MYH13: variants seen among roughly 807,000 people sequenced by gnomAD.
MYH13 encodes the protein myosin-13.
In MYH13, 177 loss-of-function variants were observed where a neutral mutation model predicts 232.1. The ratio of observed to expected loss-of-function variants is 0.76; its 90% confidence interval spans 0.67 to 0.86. MYH13 has a LOEUF of 0.86. MYH13 is among the 40% of genes least tolerant of loss of function. The pLI is 0.00. For missense variants in MYH13, 2,246 were observed against 2,405.9 expected (o/e 0.93, Z 1.39); for synonymous variants, 884 against 923.5 (o/e 0.96, Z 0.78).
chr17:10,333,247 G>A lies in MYH13; in HGVS notation c.2057-56C>T, dbSNP rs1907473988. ...GTGACCCCTTCATTTGTTGTTGATG[G>A]TCTGAGGCACCATGAGACCCTCCAA... On this transcript the variant is annotated intron_variant, in intron 18 of 40. Transcript: ENST00000252172. 4.0e-6 allele frequency: 5 copies of A among 1,261,966 alleles called. No individual in the cohort carries two copies. In the South Asian group the frequency reaches 5.1e-5, roughly 13 times the overall value. The allele number at this position is 1,261,966 out of a possible 1,614,324, so 78.2% of individuals were successfully genotyped here. A position where few individuals can be genotyped will look rare whatever the true frequency, so the allele number is the denominator to read the frequency against.
chr17:10,335,539 G>T (rs2071566678), intron 18 of MYH13, among the ~76,000 whole-genome samples: 3 of 152,174 alleles, frequency 2.0e-5, no homozygotes, highest in African/African-American at 7.2e-5. Context: ...GATCGCCTGA[G>T]GTCAGGAGTT....
intron 18 of MYH13, among the ~76,000 whole-genome samples, chr17:10,333,460 C>T (rs937297862): frequency 2.0e-5 from 3 of 152,204 alleles, no homozygotes; most frequent in African/African-American, 7.2e-5. Flanking sequence ...TGTCCTCAGC[C>T]CTGACTCTGC....
chr17:10,353,919 GGAAGGAAGGAAAGA>G, intron 11 of MYH13, among the ~76,000 whole-genome samples: 1 of 113,200 alleles, frequency 8.8e-6, no homozygotes, highest in African/African-American at 2.8e-5. Context: ...GAGAGAGAGA[GGAAGGAAGGAAAGA>G]AGGAAGGAAG....
chr17:10,322,346 T>A (rs762449015), intron 23 of MYH13, among the ~76,000 whole-genome samples: 1 of 152,062 alleles, frequency 6.6e-6, no homozygotes, highest in South Asian at 2.1e-4. Context: ...TGCAGTGAGC[T>A]GAGATTGCAC....
intron 21 of MYH13, among the ~76,000 whole-genome samples, chr17:10,328,622 C>T (rs1031083399): frequency 6.6e-6 from 1 of 152,082 alleles, no homozygotes; most frequent in Non-Finnish European, 1.5e-5. Flanking sequence ...GGTCATTTCC[C>T]AGTCTCTTGC....
At position 10,313,495 on chromosome 17, in the gene MYH13, GTTTA is replaced by G. The variant is rs1424742925; in HGVS notation, c.3985-145_3985-142del. 9 of 1,256,318 alleles carry G rather than the reference GTTTA, an allele frequency of 7.2e-6. No individual in the cohort carries two copies. The Admixed American group carries it at 1.4e-4, about 20-fold the overall frequency. 77.8% of individuals were successfully genotyped at this position (1,256,318 alleles called of 1,614,324 possible). On this transcript the variant is annotated intron_variant, in intron 29 of 40. Coordinates refer to ENST00000252172, the MANE Select transcript of MYH13 (RefSeq NM_003802.3). ...TTTTGCCATATCAGCATATCACCTG[GTTTA>G]TTTAATTTTTTTTCAAGTGGACTCC...
In MYH13 at chr17:10,350,989, GGGCA is replaced by G. The variant is rs1480931562; in HGVS notation, c.1006-299_1006-296del. 2.2e-4 allele frequency among the ~76,000 whole-genome samples: 34 copies of G among 151,970 alleles called. 1 individual carries two copies. In the East Asian group the frequency reaches 6.6e-3, roughly 30 times the overall value. The stretch of plus-strand genomic sequence containing the variant: ...GTAATCCCAGCACTTTGAGAGGCCA[GGGCA>G]GGCAGATTACGAGGTCAGGAGTTTG... On this transcript the variant is annotated intron_variant, in intron 11 of 40. Transcript: ENST00000252172.
intron 20 of MYH13, among the ~76,000 whole-genome samples, chr17:10,331,731 G>A (rs199618627): frequency 5.9e-5 from 9 of 152,160 alleles, no homozygotes; most frequent in African/African-American, 1.7e-4. Context: ...GAACCACTGC[G>A]CCCCGCTTGG....
intron 18 of MYH13, among the ~76,000 whole-genome samples, chr17:10,337,262 C>T (rs948437798): frequency 2.0e-5 from 3 of 152,150 alleles, no homozygotes; most frequent in African/African-American, 7.2e-5. Flanking sequence ...CCTCACCATC[C>T]CTTAACAATA....
intron 22 of MYH13, among the ~76,000 whole-genome samples, chr17:10,325,971 G>A (rs554670524): frequency 6.6e-6 from 1 of 152,254 alleles, no homozygotes; most frequent in South Asian, 2.1e-4. Context: ...CACCACGCCC[G>A]GCCCATATAA....
rs538071804 is a variant in MYH13, at chr17:10,316,040, A to G, written c.3739-15T>C. 12 of 1,613,908 alleles carry G rather than the reference A, an allele frequency of 7.4e-6. No homozygotes were observed. The Admixed American group carries it at 1.7e-4, about 22-fold the overall frequency. The stretch of plus-strand genomic sequence containing the variant: ...TCTATGTTACTCTTTAACAAACAGA[A>G]AGTCAACACGAATGGGAAGAAATGG... On this transcript the variant is annotated splice_polypyrimidine_tract_variant and intron_variant, in intron 27 of 40. Coordinates refer to ENST00000252172, the MANE Select transcript of MYH13 (RefSeq NM_003802.3).
chr17:10,322,394 C>T (rs1302405585), intron 23 of MYH13, among the ~76,000 whole-genome samples: 1 of 152,134 alleles, frequency 6.6e-6, no homozygotes, highest in Non-Finnish European at 1.5e-5. Flanking sequence ...GAGACTCCGT[C>T]TCAAAAATAA....
rs764819259 is a variant in MYH13, at chr17:10,303,196, C to G, written c.5667G>C (p.Ala1889=). The change falls in exon 39 of 41, where the codon GCG becomes GCC. Residue 1889 remains alanine, a splice_region_variant and synonymous_variant. Coordinates refer to ENST00000252172, the MANE Select transcript of MYH13 (RefSeq NM_003802.3). ...ACTGCCGGGGACCTCCTGTGCTTACCGCCTCCTCAGCCTGCCTCTTGTAAG... is the reference window on the plus strand; with the variant it reads ...ACTGCCGGGGACCTCCTGTGCTTACGGCCTCCTCAGCCTGCCTCTTGTAAG... ...VKSYKRQAEE[A]EEQANTQLSR... 2 of 1,612,420 alleles carry G rather than the reference C, an allele frequency of 1.2e-6. No individual in the cohort carries two copies. The highest frequency in any genetic ancestry group is 1.7e-6 in the Non-Finnish European group (2 of 1,179,868).
Position 10,304,643 on chromosome 17 carries a change from C to T in MYH13, c.5467-1145G>A, listed in dbSNP as rs1906215985. 6.6e-6 allele frequency among the ~76,000 whole-genome samples: 1 copy of T among 152,152 alleles called. No homozygotes were observed. On this transcript the variant is annotated intron_variant, in intron 37 of 40. Transcript: ENST00000252172. This position sits in a 1 kb window ranked among gnomAD's most constrained non-coding sequence, Gnocchi z 5.3. ...CACTCTCCAGGCCCACTTGATAGAC[C>T]CAAAGCAAGTCAGTCGCCACCACTG...
chr17:10,361,020 C>T (rs991881098), intron 5 of MYH13, among the ~76,000 whole-genome samples: 2 of 152,182 alleles, frequency 1.3e-5, no homozygotes, highest in African/African-American at 2.4e-5. Flanking sequence ...ACCTTGACTT[C>T]GGACTTCAAT....
chr17:10,361,309 G>A (rs879536821), intron 5 of MYH13, among the ~76,000 whole-genome samples: 10 of 69,044 alleles, frequency 1.4e-4, no homozygotes, highest in Non-Finnish European at 2.9e-5. Context: ...TTTTTTTTTT[G>A]AGACGGAGTT....
chr17:10,323,786 A>G (rs1597378194), intron 23 of MYH13, among the ~76,000 whole-genome samples: 1 of 54,718 alleles, frequency 1.8e-5, no homozygotes, highest in African/African-American at 4.8e-5. Context: ...AAAAAAAAAA[A>G]AAAGAAGAAG....
Position 10,312,714 on chromosome 17 carries a change from C to T in MYH13, c.4225G>A (p.Glu1409Lys), listed in dbSNP as rs1906551975. 1 of 1,613,538 alleles carries T rather than the reference C, an allele frequency of 6.2e-7. No homozygotes were observed. Among genetic ancestry groups the T allele is most frequent in the Non-Finnish European group, 8.5e-7 (1 of 1,179,818 alleles). The change falls in exon 31 of 41, where the codon GAG becomes AAG. Residue 1409 changes from glutamate to lysine, a missense_variant. Coordinates refer to ENST00000252172, the MANE Select transcript of MYH13 (RefSeq NM_003802.3). ...QRLQEAEENTETANSKCASLE... is the reference protein window; with the variant it reads ...QRLQEAEENTKTANSKCASLE... ...GATGCGCACTTGGAGTTCGCCGTCT[C>T]CGTGTTCTCCTCTGCTTCCTGGAGC...
intron 33 of MYH13, among the ~76,000 whole-genome samples, chr17:10,310,122 A>G (rs4791974): frequency 0.82 from 118,835 of 145,606 alleles, 48,737 homozygotes; most frequent in African/African-American, 0.91. Flanking sequence ...ACAGAGTCTC[A>G]TTCTGTTGCC....
Sources: gnomAD v4.1 joint callset for allele counts (sites outside exome capture counted in the v4.1 genomes callset) on GRCh38, gnomAD v4.1.1 for gene constraint, Gnocchi (gnomAD v3.1) non-coding constraint, MANE v1.5 for transcripts, NCBI Gene and HGNC (gene_info 2026-07-23, HGNC 2026-07-21) for gene names.